ELL2: variants seen among roughly 807,000 people sequenced by gnomAD.
The protein encoded by ELL2 is elongation factor for RNA polymerase II 2, also known as RNA polymerase II elongation factor ELL2.
A neutral mutation model predicts 72.8 loss-of-function variants in ELL2; 21 were observed. The observed-to-expected ratio is 0.29, with a 90% CI of 0.20 to 0.42. The LOEUF (loss-of-function observed/expected upper bound fraction) is 0.42. ELL2 is among the 10% of genes least tolerant of loss of function. The pLI, the probability that ELL2 is intolerant of heterozygous loss-of-function variation, is 1.00. For synonymous variants in ELL2, 266 were observed against 283.2 expected, an observed-to-expected ratio of 0.94 and a Z score of 0.61; for missense variants, 568 against 772.8, an observed-to-expected ratio of 0.73 and a Z score of 3.14.
chr5:95,929,101 G>A (rs1215859071), intron 2 of ELL2, among the ~76,000 whole-genome samples: 5 of 152,114 alleles, frequency 3.3e-5, no homozygotes, highest in Admixed American at 6.5e-5. Context: ...AGTGAGGTGC[G>A]TTTAGAAGCC....
Position 95,889,001 on chromosome 5 carries a change from A to C in ELL2, c.1807-14T>G, listed in dbSNP as rs571114020. 79 of 1,476,870 alleles carry C rather than the reference A, an allele frequency of 5.3e-5. No individual in the cohort carries two copies. In the South Asian group the frequency reaches 9.6e-4, roughly 18 times the overall value. 91.5% of individuals were successfully genotyped at this position (1,476,870 alleles called of 1,614,324 possible). A position where few individuals can be genotyped will look rare whatever the true frequency, so the allele number is the denominator to read the frequency against. On this transcript the variant is annotated splice_polypyrimidine_tract_variant and intron_variant, in intron 11 of 11. Transcript: ENST00000237853. ...ATTGGGACTAGACTGCAGATGAAAA[A>C]AAAAAAAAAAAAAGAGGAATGAGAT...
intron 1 of ELL2, among the ~76,000 whole-genome samples, chr5:95,946,318 C>T (rs562088071): frequency 8.5e-4 from 129 of 152,282 alleles, no homozygotes; most frequent in African/African-American, 2.8e-3. Context: ...ATAAGATGTG[C>T]TGAAAGCTTG....
At chr5:95,913,643 A>G in intron 4 of ELL2, 128 bp downstream of exon 4, 1 of 1,094,948 alleles carries the variant, frequency 9.1e-7, no homozygotes, top group Non-Finnish European at 1.3e-6. Flanking sequence ...TTTTCTCACC[A>G]TGTTATCCAA....
chr5:95,908,149 A>G (rs1749446736), intron 4 of ELL2, among the ~76,000 whole-genome samples: 1 of 152,256 alleles, frequency 6.6e-6, no homozygotes, highest in Non-Finnish European at 1.5e-5. Context: ...AGTTATAATT[A>G]GAGTTTCAGA....
At chr5:95,941,067 G>A (rs1234355100) in intron 2 of ELL2, among the ~76,000 whole-genome samples, 1 of 152,094 alleles carries the variant, frequency 6.6e-6, no homozygotes, top group South Asian at 2.1e-4. Flanking sequence ...AGAGTGGGGG[G>A]TTGAGACAGA....
At chr5:95,939,302 A>G (rs1213959016) in intron 2 of ELL2, among the ~76,000 whole-genome samples, 4 of 152,316 alleles carry the variant, frequency 2.6e-5, no homozygotes, top group East Asian at 1.9e-4. Context: ...TTTTCTAAGT[A>G]TTAGTCTGTA....
In ELL2 at chr5:95,919,693, A is replaced by G. The variant is rs1441389961; in HGVS notation, c.196-148T>C. 4.3e-6 allele frequency: 4 copies of G among 923,230 alleles called. No individual in the cohort carries two copies. The East Asian group carries it at 1.3e-4, about 30-fold the overall frequency. 57.2% of individuals were successfully genotyped at this position (923,230 alleles called of 1,614,324 possible). On this transcript the variant is annotated intron_variant, in intron 2 of 11. Coordinates refer to ENST00000237853, the MANE Select transcript of ELL2 (RefSeq NM_012081.6). ...CATCCTCGCAGCATTTAAATGACCA[A>G]ACAATTCAAGGAATCTGGCAAACAT...
chr5:95,954,641 C>T (rs533608660), intron 1 of ELL2, among the ~76,000 whole-genome samples: 2 of 140,334 alleles, frequency 1.4e-5, no homozygotes, highest in African/African-American at 2.7e-5. Context: ...AGGGTTTCAC[C>T]GTGTTAGCCA....
intron 8 of ELL2, among the ~76,000 whole-genome samples, chr5:95,896,014 T>C (rs1035016996): frequency 6.6e-6 from 1 of 152,214 alleles, no homozygotes; most frequent in African/African-American, 2.4e-5. Flanking sequence ...ATTCAAAGAT[T>C]GTGGTGGCAG....
At chr5:95,928,712 T>C (rs1277410309) in intron 2 of ELL2, among the ~76,000 whole-genome samples, 1 of 152,232 alleles carries the variant, frequency 6.6e-6, no homozygotes, top group East Asian at 1.9e-4. Context: ...ACCTCCACTT[T>C]TGAACCATTC....
At chr5:95,931,180 C>T (rs779722396) in intron 2 of ELL2, among the ~76,000 whole-genome samples, 2 of 151,770 alleles carry the variant, frequency 1.3e-5, no homozygotes, top group Non-Finnish European at 2.9e-5. Context: ...ACTCTGGCTC[C>T]AGAATCTACC....
At chr5:95,945,608 A>G (rs568395510) in intron 1 of ELL2, among the ~76,000 whole-genome samples, 2 of 152,358 alleles carry the variant, frequency 1.3e-5, no homozygotes, top group South Asian at 2.1e-4. Context: ...TAGGCTAAGT[A>G]GCACTGGGAA....
intron 2 of ELL2, among the ~76,000 whole-genome samples, chr5:95,937,499 G>A (rs956283475): frequency 2.1e-4 from 28 of 132,786 alleles, no homozygotes; most frequent in South Asian, 4.8e-4. Context: ...GCAAGACTCC[G>A]TCTCAAAAAA....
At position 95,903,734 on chromosome 5, in the gene ELL2, A is replaced by G. The variant is rs113733075; in HGVS notation, c.742-2654T>C. 4.2e-3 allele frequency among the ~76,000 whole-genome samples: 638 copies of G among 152,216 alleles called. 6 individuals are homozygous for G. Among genetic ancestry groups the G allele is most frequent in the African/African-American group, 0.015 (614 of 41,514 alleles). ...CTCTAGCCCCAACTATCCTCTGACA[A>G]CCACACCCTTACATATAACTATCTA... On this transcript the variant is annotated intron_variant, in intron 5 of 11. Coordinates refer to ENST00000237853, the MANE Select transcript of ELL2 (RefSeq NM_012081.6).
rs1277384188 is a variant in ELL2 at position 95,906,775 on chromosome 5, TC to T, written c.488del (p.Arg163LysfsTer24). Reference protein sequence around the residue: ...IKPGGPYVGKRVQIRKAPQAV... With the variant: ...IKPGGPYVGKXVQIRKAPQAV... ...CTTGAGGTGCTTTCCGAATTTGCAC[TC>T]TTTTCCCTAAAGTCCAGTGGAAATG... On this transcript the variant is annotated frameshift_variant, in exon 5 of 12. Coordinates refer to ENST00000237853, the MANE Select transcript of ELL2 (RefSeq NM_012081.6). LOFTEE classifies it high-confidence loss of function. 1 of 1,610,650 alleles carries T rather than the reference TC, an allele frequency of 6.2e-7. No individual in the cohort carries two copies. Among genetic ancestry groups the T allele is most frequent in the Non-Finnish European group, 8.5e-7 (1 of 1,177,712 alleles).
chr5:95,894,203 G>A (rs1403368474), intron 9 of ELL2, among the ~76,000 whole-genome samples: 2 of 152,160 alleles, frequency 1.3e-5, no homozygotes, highest in Admixed American at 6.5e-5. Context: ...TCGCACCATC[G>A]CACTCCAGCC....
chr5:95,919,390 T>G (rs1277580093), intron 3 of ELL2, 34 bp downstream of exon 3: 1 of 1,560,386 alleles, frequency 6.4e-7, no homozygotes, highest in Non-Finnish European at 8.6e-7. Context: ...AATAAAAAAT[T>G]TTTCCCCTTC....
In ELL2 at chr5:95,927,718, T is replaced by C. The variant is rs549956367; in HGVS notation, c.196-8173A>G. ...GTATATAGACATACACACACACATATGTGTGTATATAGACATACACACACA... is the reference window on the plus strand; with the variant it reads ...GTATATAGACATACACACACACATACGTGTGTATATAGACATACACACACA... On this transcript the variant is annotated intron_variant, in intron 2 of 11. Transcript: ENST00000237853. 1.8e-4 allele frequency among the ~76,000 whole-genome samples: 13 copies of C among 72,410 alleles called. 2 individuals carry two copies. The highest frequency in any genetic ancestry group is 6.8e-4 in the East Asian group (1 of 1,476). 47.5% of individuals were successfully genotyped at this position (72,410 alleles called of 152,430 possible).
rs566660475 is a variant in ELL2, at chr5:95,925,621, G to A, written c.196-6076C>T. Among the ~76,000 whole-genome samples the A allele has an allele frequency of 2.6e-5, 4 of 152,318 alleles. 1 individual carries two copies. The South Asian group carries it at 8.3e-4, about 32-fold the overall frequency. On this transcript the variant is annotated intron_variant, in intron 2 of 11. Transcript: ENST00000237853. ...AAAAGGTGGATTAATGCCTGAGCCA[G>A]GCCTAGAACTGAAGTGTTTGCTTTC... is the stretch of plus-strand genomic sequence containing the variant.
Sources: allele counts gnomAD v4.1 joint callset (sites outside exome capture counted in the v4.1 genomes callset), GRCh38; gene constraint gnomAD v4.1.1; transcripts MANE v1.5; gene names NCBI Gene and HGNC (gene_info 2026-07-23, HGNC 2026-07-21).